VKORC1L1: variants seen among roughly 807,000 people sequenced by gnomAD.
VKORC1L1 encodes vitamin K epoxide reductase complex subunit 1-like protein 1.
A neutral mutation model predicts 18.9 loss-of-function variants in VKORC1L1; 2 were observed. The ratio of observed to expected loss-of-function variants is 0.11; its 90% CI spans 0.04 to 0.33. The LOEUF (loss-of-function observed/expected upper bound fraction) is 0.33, where lower values mean the gene tolerates loss of function less well. Ranked by LOEUF, VKORC1L1 falls within the 10% of genes least tolerant of loss-of-function variation. VKORC1L1 has a pLI of 1.00. For synonymous variants in VKORC1L1, 96 were observed against 100.0 expected (o/e 0.96, Z 0.24); for missense variants, 123 against 224.1 (o/e 0.55, Z 2.88).
At chr7:65,950,302 G>T (rs142503580) in intron 2 of VKORC1L1, among the ~76,000 whole-genome samples, 1 of 151,982 alleles carries the variant, frequency 6.6e-6, no homozygotes, top group Admixed American at 6.6e-5. Flanking sequence ...AATTTGTATT[G>T]TATTAAGTTT....
intron 2 of VKORC1L1, among the ~76,000 whole-genome samples, chr7:65,951,840 A>G (rs1227011646): frequency 2.0e-5 from 3 of 152,276 alleles, no homozygotes; most frequent in African/African-American, 4.8e-5. Context: ...TGATTTTTCC[A>G]TATCAGTATA....
In VKORC1L1 at chr7:65,958,751, T is replaced by G. The variant is rs991428823; in HGVS notation, c.*4451T>G. On this transcript the variant is annotated 3_prime_UTR_variant, in exon 3 of 3. Coordinates refer to ENST00000360768, the MANE Select transcript of VKORC1L1 (RefSeq NM_173517.6). ...GTCCTCAGACCTCTAGTTCTTGGAATTCCTGTAGGTTTACGGTGTATGTGA... is the reference window on the plus strand; with the variant it reads ...GTCCTCAGACCTCTAGTTCTTGGAAGTCCTGTAGGTTTACGGTGTATGTGA... The G allele has an allele frequency of 6.6e-5, 10 of 152,246 alleles. No homozygotes were observed. Among genetic ancestry groups the G allele is most frequent in the Admixed American group, 3.9e-4 (6 of 15,288 alleles). The allele number at this position is 152,246 out of a possible 1,614,324, so 9.4% of individuals were successfully genotyped here.
At chr7:65,936,837 G>A (rs1303562119) in intron 1 of VKORC1L1, among the ~76,000 whole-genome samples, 1 of 152,182 alleles carries the variant, frequency 6.6e-6, no homozygotes, top group Non-Finnish European at 1.5e-5. Flanking sequence ...CTGTCACACA[G>A]TTCCATGTGA....
intron 1 of VKORC1L1, among the ~76,000 whole-genome samples, chr7:65,931,463 G>C (rs535086683): frequency 3.3e-5 from 5 of 152,078 alleles, no homozygotes; most frequent in African/African-American, 9.6e-5. Flanking sequence ...TCAAAGTATT[G>C]GTCCTTTTCA....
At chr7:65,883,136 C>CTTTTTTTTTTTTTT (rs34906605) in intron 1 of VKORC1L1, among the ~76,000 whole-genome samples, 1 of 109,622 alleles carries the variant, frequency 9.1e-6, no homozygotes, top group Non-Finnish European at 1.8e-5. Context: ...TACATTTGAG[C>CTTTTTTTTTTTTTT]TTTTTTTTTT....
intron 1 of VKORC1L1, among the ~76,000 whole-genome samples, chr7:65,884,777 G>A (rs926965818): frequency 4.6e-5 from 7 of 152,126 alleles, no homozygotes; most frequent in Non-Finnish European, 7.4e-5. Context: ...TATGAAAATT[G>A]TCATGTTATT....
At chr7:65,874,409 G>A (rs1330714627) in intron 1 of VKORC1L1, among the ~76,000 whole-genome samples, 1 of 151,796 alleles carries the variant, frequency 6.6e-6, no homozygotes, top group African/African-American at 2.4e-5. Context: ...TATTGGTCAG[G>A]CTGGTCTCGA....
chr7:65,865,901 C>T, the VKORC1L1 span, among the ~76,000 whole-genome samples: 2 of 151,612 alleles, frequency 1.3e-5, no homozygotes, highest in Non-Finnish European at 2.9e-5. Context: ...GTGGGAGGAT[C>T]ACGAGGTCAA....
intron 1 of VKORC1L1, among the ~76,000 whole-genome samples, chr7:65,874,005 C>A (rs1269745513): frequency 6.6e-6 from 1 of 152,112 alleles, no homozygotes; most frequent in Admixed American, 6.5e-5. Context: ...CCTCTTGTCC[C>A]CCCGATCGCT....
upstream of VKORC1L1, among the ~76,000 whole-genome samples, chr7:65,872,974 AC>A (rs1264213548): frequency 3.3e-4 from 4 of 12,266 alleles, no homozygotes; most frequent in African/African-American, 9.9e-4. Context: ...GCCCCTCCCC[AC>A]CCCTGCCCCG....
At chr7:65,867,805 C>T in the VKORC1L1 span, among the ~76,000 whole-genome samples, 4 of 152,274 alleles carry the variant, frequency 2.6e-5, no homozygotes, top group African/African-American at 9.6e-5. Context: ...GGAGCACAGA[C>T]CTGACCTCAC....
intron 1 of VKORC1L1, among the ~76,000 whole-genome samples, chr7:65,926,876 CTCACTTA>C (rs1174276778): frequency 1.3e-5 from 2 of 152,118 alleles, no homozygotes. Flanking sequence ...ACAATATGTT[CTCACTTA>C]TAAGTGGGAG....
At chr7:65,936,556 G>A (rs765766120) in intron 1 of VKORC1L1, among the ~76,000 whole-genome samples, 16 of 152,108 alleles carry the variant, frequency 1.1e-4, no homozygotes, top group Non-Finnish European at 2.1e-4. Flanking sequence ...CCTCATGTGC[G>A]CCTCTCAGTG....
intron 1 of VKORC1L1, among the ~76,000 whole-genome samples, chr7:65,886,842 T>G (rs1789021941): frequency 7.9e-6 from 1 of 126,308 alleles, no homozygotes; most frequent in Admixed American, 8.3e-5. Flanking sequence ...TGTCCGAGTT[T>G]TTTTTTTTTT....
intron 1 of VKORC1L1, among the ~76,000 whole-genome samples, chr7:65,901,052 C>G (rs78779932): frequency 0.051 from 7,720 of 151,950 alleles, 432 homozygotes; most frequent in East Asian, 0.18. Context: ...CTAGAACTTT[C>G]AAGATTCAAG....
intron 2 of VKORC1L1, among the ~76,000 whole-genome samples, chr7:65,950,708 TA>T (rs1474876861): frequency 6.6e-6 from 1 of 152,152 alleles, no homozygotes; most frequent in African/African-American, 2.4e-5. Flanking sequence ...ATGTAGCCAT[TA>T]AAGGAAAAAG....
chr7:65,890,781 T>G (rs536546765), intron 1 of VKORC1L1, among the ~76,000 whole-genome samples: 146 of 152,144 alleles, frequency 9.6e-4, no homozygotes, highest in Non-Finnish European at 1.9e-3. Flanking sequence ...TGTTAAATTA[T>G]ATTAACCATT....
chr7:65,888,999 T>C (rs1352087614), intron 1 of VKORC1L1, among the ~76,000 whole-genome samples: 1 of 152,022 alleles, frequency 6.6e-6, no homozygotes, highest in Admixed American at 6.6e-5. Context: ...CACATCAACC[T>C]GCAGGGAGTG....
intron 1 of VKORC1L1, among the ~76,000 whole-genome samples, chr7:65,883,755 C>A (rs1788967502): frequency 6.6e-6 from 1 of 152,170 alleles, no homozygotes. Context: ...GCCTCGGCCT[C>A]CCAAAGTGCT....
Sources: gnomAD v4.1 joint callset for allele counts (sites outside exome capture counted in the v4.1 genomes callset) on GRCh38, gnomAD v4.1.1 for gene constraint, MANE v1.5 for transcripts, NCBI Gene and HGNC (gene_info 2026-07-23, HGNC 2026-07-21) for gene names.